The following ACYP2 variants were observed in gnomAD, a reference collection of about 807,000 sequenced individuals.
ACYP2 encodes acylphosphatase-2.
A neutral mutation model predicts 11.2 loss-of-function variants in ACYP2; 12 were observed. The observed-to-expected ratio is 1.08, with a 90% CI of 0.69 to 1.74. The LOEUF (loss-of-function observed/expected upper bound fraction) is 1.74. Ranked by LOEUF, ACYP2 falls within the 40% of genes most tolerant of loss-of-function variation. The probability of loss-of-function intolerance (pLI) is 0.00; values close to 1 mark genes in which losing one functional copy is unlikely to be tolerated. For missense variants in ACYP2, 134 were observed against 101.9 expected (o/e 1.31, Z -1.35); for synonymous variants, 43 against 32.2 (o/e 1.33, Z -1.13).
intron 6 of ACYP2, among the ~76,000 whole-genome samples, chr2:54,222,501 G>C (rs1685839335): frequency 1.4e-5 from 2 of 146,482 alleles, no homozygotes; most frequent in African/African-American, 5.1e-5. Flanking sequence ...AGTGAGCCAA[G>C]ATTGGGCCAC....
At chr2:54,286,032 C>A (rs573781192) in intron 6 of ACYP2, among the ~76,000 whole-genome samples, 20 of 152,242 alleles carry the variant, frequency 1.3e-4, no homozygotes, top group African/African-American at 4.6e-4. Flanking sequence ...TACCAATAAA[C>A]CCATTGTAAG....
intron 6 of ACYP2, among the ~76,000 whole-genome samples, chr2:54,205,790 A>T (rs923284630): frequency 5.3e-5 from 8 of 152,140 alleles, no homozygotes; most frequent in Non-Finnish European, 1.2e-4. Context: ...GTCTACACAG[A>T]TTTACCAGAG....
chr2:54,096,651 C>T (rs1024539676), intron 4 of ACYP2, among the ~76,000 whole-genome samples: 6 of 152,246 alleles, frequency 3.9e-5, no homozygotes, highest in Non-Finnish European at 7.4e-5. Flanking sequence ...GCCAACACAG[C>T]GAAACCCCGT....
rs1455084973 is a variant in ACYP2, at chr2:54,033,137, G to A, written c.63-17821G>A. Among the ~76,000 whole-genome samples, 5 of 151,916 alleles carry A rather than the reference G, an allele frequency of 3.3e-5. No individual in the cohort carries two copies. In the East Asian group the frequency reaches 7.7e-4, roughly 23 times the overall value. ...GCTTTGTGAGGTCTGCGAAATTAAT[G>A]AGGCTCACAGAGATATGAGTGTGGG... On this transcript the variant is annotated intron_variant, in intron 2 of 6. Transcript: ENST00000607452.
At chr2:54,280,436 A>G (rs1688800082) in intron 6 of ACYP2, among the ~76,000 whole-genome samples, 1 of 152,196 alleles carries the variant, frequency 6.6e-6, no homozygotes, top group South Asian at 2.1e-4. Flanking sequence ...TCAATGGTAT[A>G]TGAAGCTGCA....
At position 54,086,944 on chromosome 2, in the gene ACYP2, G is replaced by A. The variant is rs539467293; in HGVS notation, c.277+29584G>A. On this transcript the variant is annotated intron_variant, in intron 4 of 6. Coordinates refer to ENST00000607452, the MANE Select transcript of ACYP2 (RefSeq NM_001320586.2). Reference sequence around the variant, plus strand: ...AGCACAGGATTTTCCAAACTTACCAGGATACTTATAAAACATTATGCCATA... The same window carrying A: ...AGCACAGGATTTTCCAAACTTACCAAGATACTTATAAAACATTATGCCATA... Among the ~76,000 whole-genome samples, 4 of 152,266 alleles carry A rather than the reference G, an allele frequency of 2.6e-5. No individual in the cohort carries two copies. The South Asian group carries it at 8.3e-4, about 32-fold the overall frequency.
At chr2:54,176,324 T>A (rs1459497931) in intron 6 of ACYP2, among the ~76,000 whole-genome samples, 4 of 152,054 alleles carry the variant, frequency 2.6e-5, no homozygotes, top group Non-Finnish European at 5.9e-5. Flanking sequence ...TGCCAGAATG[T>A]GAAGACAGGA....
chr2:54,086,310 T>C (rs966695818), intron 4 of ACYP2, among the ~76,000 whole-genome samples: 6 of 152,058 alleles, frequency 3.9e-5, no homozygotes, highest in African/African-American at 1.4e-4. Flanking sequence ...GCACTAGACA[T>C]GTGGTGGTCA....
chr2:54,252,748 C>A (rs1687285208), intron 6 of ACYP2, among the ~76,000 whole-genome samples: 1 of 151,904 alleles, frequency 6.6e-6, no homozygotes, highest in Non-Finnish European at 1.5e-5. Flanking sequence ...CCTAAAAATA[C>A]AAAAAATTAG....
chr2:53,991,450 G>T (rs1363150096), intron 2 of ACYP2, among the ~76,000 whole-genome samples: 1 of 150,474 alleles, frequency 6.6e-6, no homozygotes, highest in African/African-American at 2.4e-5. Context: ...CTTTCGCCCA[G>T]GTTGGAGTGC....
chr2:54,187,924 G>A (rs959720027), intron 6 of ACYP2, among the ~76,000 whole-genome samples: 3 of 152,160 alleles, frequency 2.0e-5, no homozygotes, highest in Non-Finnish European at 4.4e-5. Flanking sequence ...GTGGGAATGG[G>A]CTCTACGTTT....
intron 4 of ACYP2, among the ~76,000 whole-genome samples, chr2:54,097,854 C>T (rs1021398818): frequency 1.4e-4 from 19 of 134,174 alleles, no homozygotes; most frequent in Non-Finnish European, 2.9e-4. Flanking sequence ...TTATTTTCTT[C>T]TTTCTTTCTT....
chr2:53,975,100 C>T (rs1396752568), intron 2 of ACYP2: 2 of 384,968 alleles, frequency 5.2e-6, no homozygotes, highest in African/African-American at 2.1e-5. Flanking sequence ...TGGCGTGCGC[C>T]TGTAGTCCCA....
At chr2:54,042,653 G>C (rs143587567) in intron 2 of ACYP2, among the ~76,000 whole-genome samples, 1 of 152,140 alleles carries the variant, frequency 6.6e-6, no homozygotes, top group African/African-American at 2.4e-5. Flanking sequence ...TATTTGAGTA[G>C]ATCCTAATTA....
In ACYP2 at chr2:54,000,151, A is replaced by G. The variant is rs1292703172; in HGVS notation, c.62+26341A>G. ...ATTATATTATTTTACTAAGAAGCTCATTGAGCTTCTTAGGGGTCCAAAAAG... is the reference window on the plus strand; with the variant it reads ...ATTATATTATTTTACTAAGAAGCTCGTTGAGCTTCTTAGGGGTCCAAAAAG... On this transcript the variant is annotated intron_variant, in intron 2 of 6. Transcript: ENST00000607452. Among the ~76,000 whole-genome samples, 3 of 151,970 alleles carry G rather than the reference A, an allele frequency of 2.0e-5. No homozygotes were observed. In the East Asian group the frequency reaches 5.8e-4, roughly 29 times the overall value.
rs576478355 is a variant in ACYP2 at position 54,281,147 on chromosome 2, T to C, written c.405-23541T>C. Among the ~76,000 whole-genome samples, 4 of 152,346 alleles carry C rather than the reference T, an allele frequency of 2.6e-5. No homozygotes were observed. The South Asian group carries it at 6.2e-4, about 24-fold the overall frequency. On this transcript the variant is annotated intron_variant, in intron 6 of 6. Coordinates refer to ENST00000607452, the MANE Select transcript of ACYP2 (RefSeq NM_001320586.2). ...CTATTCAAAACCAGATTATTCTATA[T>C]ATTATCAACTCCAGTTGATTACCTT...
intron 6 of ACYP2, among the ~76,000 whole-genome samples, chr2:54,186,152 A>G (rs1309954228): frequency 6.6e-6 from 1 of 152,152 alleles, no homozygotes; most frequent in Non-Finnish European, 1.5e-5. Context: ...AAAGATTAAA[A>G]AGAATGCTAG....
At chr2:54,135,266 T>C (rs1681154133) in intron 4 of ACYP2, among the ~76,000 whole-genome samples, 187 bp from the exon 2 acceptor site, 1 of 152,216 alleles carries the variant, frequency 6.6e-6, no homozygotes, top group Non-Finnish European at 1.5e-5. Flanking sequence ...TTAAAACTTA[T>C]GAATTGTTTA....
intron 4 of ACYP2, among the ~76,000 whole-genome samples, chr2:54,115,991 C>T (rs1417693204): frequency 1.3e-5 from 2 of 151,388 alleles, no homozygotes; most frequent in African/African-American, 2.5e-5. Context: ...GAGGAGGGGT[C>T]AGGGGACTGC....
Sources: allele counts gnomAD v4.1 joint callset (sites outside exome capture counted in the v4.1 genomes callset), GRCh38; gene constraint gnomAD v4.1.1; transcripts MANE v1.5; gene names NCBI Gene and HGNC (gene_info 2026-07-23, HGNC 2026-07-21).